RGS10: variants seen among roughly 807,000 people sequenced by gnomAD.
RGS10 encodes the protein regulator of G-protein signalling 10.
Under a neutral mutation model 23.5 loss-of-function variants are expected in RGS10, and 11 were observed. That is an observed-to-expected ratio of 0.47 (90% CI 0.29 to 0.77). RGS10 has a LOEUF of 0.77. RGS10 is among the 30% of genes least tolerant of loss of function. The pLI is 0.08. For missense variants in RGS10, 180 were observed against 226.3 expected, an observed-to-expected ratio of 0.80 and a Z score of 1.31; for synonymous variants, 77 against 83.2, an observed-to-expected ratio of 0.92 and a Z score of 0.41.
intron 4 of RGS10, among the ~76,000 whole-genome samples, chr10:119,504,761 G>A (rs1181904198): frequency 3.9e-5 from 6 of 152,150 alleles, no homozygotes; most frequent in South Asian, 4.1e-4. Context: ...ATGCAGCCAC[G>A]TGCCAAGGAG....
intron 4 of RGS10, among the ~76,000 whole-genome samples, chr10:119,512,180 C>T (rs1030625000): frequency 1.3e-5 from 2 of 152,260 alleles, no homozygotes; most frequent in Admixed American, 6.5e-5. Flanking sequence ...CACAGGAAAG[C>T]GGCTGCTCTG....
At chr10:119,536,495 C>T in intron 1 of RGS10, 1 of 1,611,632 alleles carries the variant, frequency 6.2e-7, no homozygotes, top group Non-Finnish European at 8.5e-7. Flanking sequence ...CTGAGAAGTT[C>T]CACGCAGACC....
At chr10:119,513,858 G>C (rs1844107618) in intron 4 of RGS10, among the ~76,000 whole-genome samples, 1 of 152,226 alleles carries the variant, frequency 6.6e-6, no homozygotes, top group South Asian at 2.1e-4. Flanking sequence ...GTCATGGGGG[G>C]AGCATGGTCT....
In RGS10 at chr10:119,524,084, G is replaced by A. The variant is rs985583856; in HGVS notation, c.255+1948C>T. Among the ~76,000 whole-genome samples the A allele has an allele frequency of 1.3e-5, 2 of 152,084 alleles. No homozygotes were observed. Among genetic ancestry groups the A allele is most frequent in the African/African-American group, 2.4e-5 (1 of 41,414 alleles). On this transcript the variant is annotated intron_variant, in intron 3 of 4. Transcript: ENST00000369103. The surrounding 1 kb of genome is among the most constrained non-coding windows in gnomAD (Gnocchi z 5.2). ...CTCAGCTAAAAAGCCACTTCCCCTG[G>A]ATCCCTCCCCGTTGCCCACGCCTTG... is the stretch of plus-strand genomic sequence containing the variant.
intron 1 of RGS10, among the ~76,000 whole-genome samples, chr10:119,529,665 T>C: frequency 6.6e-6 from 1 of 152,204 alleles, no homozygotes; most frequent in Admixed American, 6.5e-5. Context: ...TTCCCATCTC[T>C]AAAATAACCA....
intron 3 of RGS10, among the ~76,000 whole-genome samples, chr10:119,516,786 C>G (rs889845390): frequency 6.6e-6 from 1 of 152,086 alleles, no homozygotes; most frequent in Non-Finnish European, 1.5e-5. Flanking sequence ...TCAGGACAGG[C>G]GCCTCAGGGC....
In RGS10 at chr10:119,517,670, A is replaced by ACG. The variant is rs1844162269; in HGVS notation, c.256-2020_256-2019dup. The stretch of plus-strand genomic sequence containing the variant: ...CTCCCCTCCTCCCCTTGACATTCAC[A>ACG]CGCACACACACACGCACACACGTGC... On this transcript the variant is annotated intron_variant, in intron 3 of 4. Transcript: ENST00000369103. The surrounding 1 kb of genome is among the most constrained non-coding windows in gnomAD (Gnocchi z 5.0). Among the ~76,000 whole-genome samples the ACG allele has an allele frequency of 1.3e-5, 2 of 152,186 alleles. No homozygotes were observed. Among genetic ancestry groups the ACG allele is most frequent in the Admixed American group, 1.3e-4 (2 of 15,286 alleles).
At chr10:119,508,034 G>A (rs1427859470) in intron 4 of RGS10, among the ~76,000 whole-genome samples, 1 of 152,116 alleles carries the variant, frequency 6.6e-6, no homozygotes, top group African/African-American at 2.4e-5. Flanking sequence ...TTTCGCTCTT[G>A]TCACCTAGGC....
At chr10:119,506,207 A>C (rs1242650441) in intron 4 of RGS10, among the ~76,000 whole-genome samples, 1 of 152,188 alleles carries the variant, frequency 6.6e-6, no homozygotes, top group East Asian at 1.9e-4. Context: ...CCTACCCCCT[A>C]AAGTGAAGAC....
rs1212533419 is a variant in RGS10, at chr10:119,525,941, T to A, written c.255+91A>T. On this transcript the variant is annotated intron_variant, in intron 3 of 4. Coordinates refer to ENST00000369103, the MANE Select transcript of RGS10 (RefSeq NM_001005339.2). ...CTTAAATCTTCCCCCAAAACTAATA[T>A]GAATCAGGTTTCTTTAGGCAACTTC... 1.5e-5 allele frequency: 9 copies of A among 607,202 alleles called. No homozygotes were observed. The East Asian group carries it at 2.5e-4, about 17-fold the overall frequency. 37.6% of individuals were successfully genotyped at this position (607,202 alleles called of 1,614,324 possible). A position where few individuals can be genotyped will look rare whatever the true frequency, so the allele number is the denominator to read the frequency against.
At chr10:119,505,322 C>CTTTTT (rs11317053) in intron 4 of RGS10, among the ~76,000 whole-genome samples, 1 of 90,076 alleles carries the variant, frequency 1.1e-5, no homozygotes, top group East Asian at 3.5e-4. Context: ...CATTCTGCAT[C>CTTTTT]TTTTTTTTTT....
In RGS10 at chr10:119,542,620, T is replaced by C; in HGVS notation, c.19A>G (p.Ser7Gly). The change falls in exon 1 of 5, where the codon AGC (serine) becomes GGC (glycine). Residue 7 changes from serine to glycine, a missense_variant. Physicochemically the swap from Ser to Gly is moderately conservative, Grantham distance 56. Coordinates refer to ENST00000369103, the MANE Select transcript of RGS10 (RefSeq NM_001005339.2). Reference sequence around the variant, plus strand: ...GGCGGCCGCTTCCTGCTCAGCCGGCTCACGGCGCGGTTGAACATCGCCGCG... The same window carrying C: ...GGCGGCCGCTTCCTGCTCAGCCGGCCCACGGCGCGGTTGAACATCGCCGCG... Reference protein sequence around the residue: MFNRAVSRLSRKRPPSD... With the variant: MFNRAVGRLSRKRPPSD... The C allele has an allele frequency of 7.0e-7, 1 of 1,425,936 alleles. No homozygotes were observed. The highest frequency in any genetic ancestry group is 1.4e-5 in the South Asian group (1 of 71,978). The allele number at this position is 1,425,936 out of a possible 1,614,324, so 88.3% of individuals were successfully genotyped here.
chr10:119,506,757 G>A lies in RGS10; in HGVS notation c.400-6498C>T, dbSNP rs1000765273. On this transcript the variant is annotated intron_variant, in intron 4 of 4. Transcript: ENST00000369103. ...CACTCTGTCGCCAGGCTGGAGTGCAGCGGCGCGATCTCAGCTCACCGCAAC... is the reference window on the plus strand; with the variant it reads ...CACTCTGTCGCCAGGCTGGAGTGCAACGGCGCGATCTCAGCTCACCGCAAC... Among the ~76,000 whole-genome samples the A allele has an allele frequency of 2.6e-5, 4 of 152,304 alleles. No homozygotes were observed. The South Asian group carries it at 8.3e-4, about 32-fold the overall frequency.
chr10:119,500,300 A>C (rs201656135), intron 4 of RGS10, 41 bp from the exon 5 acceptor site: 7 of 1,572,644 alleles, frequency 4.5e-6, no homozygotes, highest in Admixed American at 1.9e-5. Flanking sequence ...GCTGAGGCTA[A>C]TCCAGGCCAT....
At chr10:119,525,510 T>A (rs1844264075) in intron 3 of RGS10, among the ~76,000 whole-genome samples, 1 of 152,026 alleles carries the variant, frequency 6.6e-6, no homozygotes, top group Admixed American at 6.6e-5. Flanking sequence ...TCATCTACCC[T>A]CCCTCATACC....
chr10:119,515,259 C>T (rs963754392), intron 4 of RGS10: 1 of 487,434 alleles, frequency 2.1e-6, no homozygotes, highest in Admixed American at 3.5e-5. Context: ...ACTGAGAAGG[C>T]AGATAAACTG....
intron 4 of RGS10, among the ~76,000 whole-genome samples, chr10:119,501,700 G>A (rs1589831412): frequency 6.6e-6 from 1 of 151,896 alleles, no homozygotes; most frequent in Admixed American, 6.6e-5. Flanking sequence ...TCCAGCCTGG[G>A]CAACAGAGTG....
At chr10:119,503,745 G>A (rs1055936181) in intron 4 of RGS10, among the ~76,000 whole-genome samples, 10 of 152,192 alleles carry the variant, frequency 6.6e-5, no homozygotes, top group African/African-American at 1.9e-4. Context: ...TCCTCGGCTC[G>A]TAGACCACAC....
chr10:119,534,130 C>T (rs1844359267), intron 1 of RGS10, among the ~76,000 whole-genome samples: 1 of 151,906 alleles, frequency 6.6e-6, no homozygotes, highest in African/African-American at 2.4e-5. Context: ...TGGTGCACTC[C>T]TGTAATCCCC....
Sources: allele counts gnomAD v4.1 joint callset (sites outside exome capture counted in the v4.1 genomes callset), GRCh38; gene constraint gnomAD v4.1.1; non-coding constraint Gnocchi (gnomAD v3.1); transcripts MANE v1.5; gene names NCBI Gene and HGNC (gene_info 2026-07-23, HGNC 2026-07-21).